The following IMMP2L variants were observed in gnomAD, a reference collection of about 807,000 sequenced individuals.
The protein encoded by IMMP2L is inner mitochondrial membrane peptidase subunit 2.
In IMMP2L, 18 loss-of-function variants were observed where a neutral mutation model predicts 19.3. The observed-to-expected ratio is 0.93, with a 90% CI of 0.64 to 1.38. The LOEUF (loss-of-function observed/expected upper bound fraction) is 1.38, where lower values mean the gene tolerates loss of function less well. Ranked by LOEUF, IMMP2L falls within the 40% of genes most tolerant of loss-of-function variation. The pLI is 0.00. For missense variants in IMMP2L, 233 were observed against 218.2 expected, an observed-to-expected ratio of 1.07 and a Z score of -0.43; for synonymous variants, 76 against 73.0, an observed-to-expected ratio of 1.04 and a Z score of -0.21.
chr7:110,813,043 G>C (rs778383087), intron 5 of IMMP2L, among the ~76,000 whole-genome samples: 1 of 151,934 alleles, frequency 6.6e-6, no homozygotes, highest in Admixed American at 6.6e-5. Context: ...TTAGAGTTAC[G>C]AGGAATCACT....
chr7:110,693,305 C>T (rs535916749), intron 5 of IMMP2L, among the ~76,000 whole-genome samples: 1 of 152,298 alleles, frequency 6.6e-6, no homozygotes, highest in East Asian at 1.9e-4. Flanking sequence ...CCACTCTGGT[C>T]TGAGACACTA....
intron 5 of IMMP2L, among the ~76,000 whole-genome samples, chr7:110,737,176 C>T (rs1056220731): frequency 9.2e-5 from 14 of 152,170 alleles, no homozygotes; most frequent in Non-Finnish European, 1.6e-4. Context: ...AGATAATCCA[C>T]AGACCCTTTG....
At chr7:111,469,106 T>C (rs553972700) in intron 3 of IMMP2L, among the ~76,000 whole-genome samples, 2 of 152,248 alleles carry the variant, frequency 1.3e-5, no homozygotes, top group African/African-American at 4.8e-5. Flanking sequence ...TCTGTTCCAC[T>C]GATCTATATC....
intron 5 of IMMP2L, among the ~76,000 whole-genome samples, chr7:110,822,174 T>C (rs1396877076): frequency 1.3e-5 from 2 of 152,126 alleles, no homozygotes; most frequent in African/African-American, 4.8e-5. Context: ...ACATCAACAA[T>C]TACTTACCTG....
At chr7:110,815,390 G>A (rs1384910722) in intron 5 of IMMP2L, among the ~76,000 whole-genome samples, 2 of 151,940 alleles carry the variant, frequency 1.3e-5, no homozygotes, top group Admixed American at 6.6e-5. Flanking sequence ...GAGGATTTTT[G>A]CATCAATGTT....
At chr7:111,021,357 T>C (rs1198797040) in intron 3 of IMMP2L, among the ~76,000 whole-genome samples, 2 of 152,228 alleles carry the variant, frequency 1.3e-5, no homozygotes, top group African/African-American at 2.4e-5. Flanking sequence ...AAAGCAGGTA[T>C]AAAACATTCT....
chr7:111,038,810 A>C (rs1791601886), intron 3 of IMMP2L, among the ~76,000 whole-genome samples: 1 of 152,214 alleles, frequency 6.6e-6, no homozygotes. Flanking sequence ...TTTATAAATC[A>C]AGTTATTAGT....
chr7:111,461,310 G>T (rs1840115576), intron 3 of IMMP2L, among the ~76,000 whole-genome samples: 1 of 151,954 alleles, frequency 6.6e-6, no homozygotes. Context: ...AAGCAGATGG[G>T]AGTTCCAAGT....
At chr7:111,127,694 T>C (rs138211274) in intron 3 of IMMP2L, among the ~76,000 whole-genome samples, 155 of 152,282 alleles carry the variant, frequency 1.0e-3, no homozygotes, top group African/African-American at 3.6e-3. Context: ...TTTTGTGATA[T>C]GATATGGATG....
chr7:111,352,294 G>T (rs1828244417), intron 3 of IMMP2L, among the ~76,000 whole-genome samples: 1 of 151,794 alleles, frequency 6.6e-6, no homozygotes, highest in African/African-American at 2.4e-5. Flanking sequence ...TGAACTCCTG[G>T]GTTCAAGCAA....
chr7:110,761,044 T>C (rs901984490), intron 5 of IMMP2L, among the ~76,000 whole-genome samples: 1 of 152,168 alleles, frequency 6.6e-6, no homozygotes, highest in Non-Finnish European at 1.5e-5. Flanking sequence ...GAATGAGAGC[T>C]GTTGGTGTAT....
intron 5 of IMMP2L, among the ~76,000 whole-genome samples, chr7:110,806,409 T>C (rs112055687): frequency 1.3e-5 from 2 of 151,994 alleles, no homozygotes; most frequent in African/African-American, 2.4e-5. Flanking sequence ...TAAAGGGCTA[T>C]TGAAGGAAGA....
intron 3 of IMMP2L, among the ~76,000 whole-genome samples, chr7:111,039,228 T>C (rs1646471797): frequency 6.6e-6 from 1 of 152,196 alleles, no homozygotes; most frequent in Admixed American, 6.5e-5. Context: ...AAACATAAAA[T>C]CTCAAATTTA....
intron 3 of IMMP2L, among the ~76,000 whole-genome samples, chr7:111,112,838 G>A (rs368677219): frequency 2.0e-5 from 3 of 152,112 alleles, no homozygotes; most frequent in East Asian, 1.9e-4. Flanking sequence ...CTCATGGCAG[G>A]CATCAGCTAA....
rs149886360 is a variant in IMMP2L at position 110,974,967 on chromosome 7, A to C, written c.240-11402T>G. On this transcript the variant is annotated intron_variant, in intron 3 of 5. Coordinates refer to ENST00000405709, the MANE Select transcript of IMMP2L (RefSeq NM_032549.4). ...TTAAGTCCTTATAATTCCAGTCTTT[A>C]AAAATATAAATGCAATGTTCAGAGG... Among the ~76,000 whole-genome samples the C allele has an allele frequency of 2.7e-3, 409 of 152,212 alleles. 1 individual carries two copies. The highest frequency in any genetic ancestry group is 9.4e-3 in the African/African-American group (390 of 41,554).
rs143428724 is a variant in IMMP2L at position 110,831,265 on chromosome 7, T to C, written c.408+55328A>G. Among the ~76,000 whole-genome samples the C allele has an allele frequency of 2.9e-3, 445 of 152,270 alleles. 1 individual carries two copies. Among genetic ancestry groups the C allele is most frequent in the South Asian group, 7.9e-3 (38 of 4,826 alleles). ...TTCTGCCTCCATCTTCAACAGCTTC[T>C]CTCTAACTTTTCTGTTTTCCTGCTT... On this transcript the variant is annotated intron_variant, in intron 5 of 5. Coordinates refer to ENST00000405709, the MANE Select transcript of IMMP2L (RefSeq NM_032549.4).
At chr7:110,673,224 G>A (rs117275791) in intron 5 of IMMP2L, among the ~76,000 whole-genome samples, 2,420 of 152,316 alleles carry the variant, frequency 0.016, 21 homozygotes, top group Non-Finnish European at 0.027. Flanking sequence ...TGTACCCTCC[G>A]AAGCAATGGT....
intron 1 of IMMP2L, among the ~76,000 whole-genome samples, chr7:111,526,807 C>T (rs1278629595): frequency 6.6e-6 from 1 of 152,010 alleles, no homozygotes; most frequent in African/African-American, 2.4e-5. Flanking sequence ...TTCATCATGC[C>T]CTGCATGCAT....
At chr7:111,142,528 T>C (rs138597594) in intron 3 of IMMP2L, among the ~76,000 whole-genome samples, 11 of 152,200 alleles carry the variant, frequency 7.2e-5, no homozygotes, top group Non-Finnish European at 8.8e-5. Flanking sequence ...GGGTTCATTT[T>C]GATATTTTTC....
Sources: allele counts gnomAD v4.1 joint callset (sites outside exome capture counted in the v4.1 genomes callset), GRCh38; gene constraint gnomAD v4.1.1; transcripts MANE v1.5; gene names NCBI Gene and HGNC (gene_info 2026-07-23, HGNC 2026-07-21).